The following LRRC40 variants were observed in gnomAD, a reference collection of about 807,000 sequenced individuals.
LRRC40 encodes the protein leucine rich repeat containing 40, also known as leucine-rich repeat-containing protein 40.
In LRRC40, 76 loss-of-function variants were observed where a neutral mutation model predicts 72.8. The observed-to-expected ratio is 1.04, with a 90% CI of 0.87 to 1.26. The LOEUF is 1.26. Among genes scored for constraint, LRRC40 ranks in the 50% most tolerant of loss-of-function variants. The pLI, the probability that LRRC40 is intolerant of heterozygous loss-of-function variation, is 0.00. For synonymous variants in LRRC40, 243 were observed against 254.2 expected (o/e 0.96, Z 0.42); for missense variants, 684 against 698.9 (o/e 0.98, Z 0.24).
chr1:70,173,539 C>G, intron 8 of LRRC40, 29 bp from the exon 9 acceptor site: 1 of 1,577,906 alleles, frequency 6.3e-7, no homozygotes, highest in Non-Finnish European at 8.7e-7. Flanking sequence ...AGACATTCAC[C>G]AAGACATGCT....
At chr1:70,160,351 T>G (rs2100253246) in intron 9 of LRRC40, among the ~76,000 whole-genome samples, 1 of 152,348 alleles carries the variant, frequency 6.6e-6, no homozygotes, top group Non-Finnish European at 1.5e-5. Context: ...GCTCATCAGT[T>G]ATTCATTAGT....
At chr1:70,154,705 G>C (rs571542185) in intron 11 of LRRC40, among the ~76,000 whole-genome samples, 1 of 152,094 alleles carries the variant, frequency 6.6e-6, no homozygotes, top group South Asian at 2.1e-4. Context: ...TCAGATGAAA[G>C]TCATTCAACT....
chr1:70,175,012 T>C (rs552728499), intron 7 of LRRC40, among the ~76,000 whole-genome samples: 66 of 152,060 alleles, frequency 4.3e-4, no homozygotes, highest in Admixed American at 2.9e-3. Flanking sequence ...AGTAGAAATA[T>C]AGACACTGGT....
Position 70,152,469 on chromosome 1 carries a change from A to G in LRRC40, c.1403T>C (p.Leu468Ser). The G allele has an allele frequency of 1.9e-6, 3 of 1,604,010 alleles. No individual in the cohort carries two copies. Among genetic ancestry groups the G allele is most frequent in the Non-Finnish European group, 2.6e-6 (3 of 1,171,508 alleles). ...FNKLSFISLE[L>S]CVLQKLTFLD... ...AAAAGTCAATTTCTGAAGCACACAT[A>G]ACTCCAAGGATATAAAGGAAAGTTT... The change falls in exon 12 of 15, where the codon TTA (leucine) becomes TCA (serine). Residue 468 changes from leucine to serine, a missense_variant. Transcript: ENST00000370952.
chr1:70,194,763 C>T (rs1266578943), intron 1 of LRRC40, among the ~76,000 whole-genome samples: 1 of 151,432 alleles, frequency 6.6e-6, no homozygotes, highest in African/African-American at 2.4e-5. Context: ...TTAGGTCAAA[C>T]AATTTTGAAA....
chr1:70,157,637 G>A (rs1027629330), intron 10 of LRRC40, among the ~76,000 whole-genome samples: 1 of 152,076 alleles, frequency 6.6e-6, no homozygotes, highest in Non-Finnish European at 1.5e-5. Flanking sequence ...GTATATGAGG[G>A]AATGGAAGCC....
chr1:70,200,970 G>A (rs1463854058), intron 1 of LRRC40, among the ~76,000 whole-genome samples: 3 of 152,084 alleles, frequency 2.0e-5, no homozygotes, highest in African/African-American at 4.8e-5. Context: ...CCAGGGGTTC[G>A]AGACCAGCTT....
chr1:70,148,278 C>T (rs544143509), intron 14 of LRRC40, among the ~76,000 whole-genome samples: 1 of 151,900 alleles, frequency 6.6e-6, no homozygotes, highest in Non-Finnish European at 1.5e-5. Flanking sequence ...ATTATATTCA[C>T]ACATATACCA....
intron 9 of LRRC40, among the ~76,000 whole-genome samples, chr1:70,163,555 A>G (rs1033817922): frequency 5.9e-5 from 9 of 152,120 alleles, no homozygotes; most frequent in African/African-American, 2.2e-4. Flanking sequence ...TTCTACTTTT[A>G]AGAATCCTTG....
intron 9 of LRRC40, among the ~76,000 whole-genome samples, chr1:70,169,701 T>C (rs1231343591): frequency 6.6e-6 from 1 of 151,990 alleles, no homozygotes; most frequent in African/African-American, 2.4e-5. Flanking sequence ...ATGGACACAT[T>C]CCTAGAAAGA....
chr1:70,199,594 C>T (rs371402493), intron 1 of LRRC40, among the ~76,000 whole-genome samples: 3 of 152,160 alleles, frequency 2.0e-5, no homozygotes, highest in East Asian at 3.8e-4. Context: ...TGATGATCCA[C>T]TCCACTTGAT....
chr1:70,183,756 G>A (rs377179853), intron 4 of LRRC40, among the ~76,000 whole-genome samples: 1 of 151,894 alleles, frequency 6.6e-6, no homozygotes, highest in Non-Finnish European at 1.5e-5. Context: ...TTTTTGCCAT[G>A]TTTTCCAGGC....
chr1:70,181,585 T>C (rs1394604097), intron 4 of LRRC40, among the ~76,000 whole-genome samples: 1 of 152,022 alleles, frequency 6.6e-6, no homozygotes, highest in Non-Finnish European at 1.5e-5. Flanking sequence ...GAATTAGGCA[T>C]ATTATTAATA....
At chr1:70,156,258 C>T (rs898187513) in intron 10 of LRRC40, among the ~76,000 whole-genome samples, 1 of 151,982 alleles carries the variant, frequency 6.6e-6, no homozygotes, top group African/African-American at 2.4e-5. Context: ...CAACATTATA[C>T]TAAACTAACT....
In LRRC40 at chr1:70,173,798, A is replaced by T. The variant is rs1429341630; in HGVS notation, c.978-89T>A. On this transcript the variant is annotated intron_variant, in intron 7 of 14. Coordinates refer to ENST00000370952, the MANE Select transcript of LRRC40 (RefSeq NM_017768.5). ...ACTATAAAACATCATATGGCAAACAACATATCACAGAATAGTCTCAAAGAA... is the reference window on the plus strand; with the variant it reads ...ACTATAAAACATCATATGGCAAACATCATATCACAGAATAGTCTCAAAGAA... The T allele has an allele frequency of 9.5e-6, 6 of 633,914 alleles. No individual in the cohort carries two copies. In the South Asian group the frequency reaches 1.2e-4, roughly 12 times the overall value. The allele number at this position is 633,914 out of a possible 1,614,324, so 39.3% of individuals were successfully genotyped here.
chr1:70,182,066 G>A (rs946047316), intron 4 of LRRC40, among the ~76,000 whole-genome samples: 1 of 151,836 alleles, frequency 6.6e-6, no homozygotes, highest in Non-Finnish European at 1.5e-5. Context: ...GTAACATTTT[G>A]TAACTCTGAA....
intron 9 of LRRC40, among the ~76,000 whole-genome samples, chr1:70,161,691 T>G (rs529517513): frequency 6.6e-6 from 1 of 152,250 alleles, no homozygotes; most frequent in Non-Finnish European, 1.5e-5. Context: ...TTGAAGCAAA[T>G]AGGCACTGAT....
chr1:70,182,188 TA>T (rs1193684611), intron 4 of LRRC40, among the ~76,000 whole-genome samples: 3 of 151,944 alleles, frequency 2.0e-5, no homozygotes, highest in African/African-American at 7.2e-5. Flanking sequence ...ACATACAACA[TA>T]ACATATTCTA....
intron 9 of LRRC40, among the ~76,000 whole-genome samples, chr1:70,161,375 C>A (rs927311452): frequency 2.0e-5 from 3 of 151,914 alleles, no homozygotes; most frequent in Non-Finnish European, 4.4e-5. Context: ...TGAGCCACCA[C>A]GCCCAGCCAT....
Sources: gnomAD v4.1 joint callset for allele counts (sites outside exome capture counted in the v4.1 genomes callset) on GRCh38, gnomAD v4.1.1 for gene constraint, MANE v1.5 for transcripts, NCBI Gene and HGNC (gene_info 2026-07-23, HGNC 2026-07-21) for gene names.